The following WWP2 variants were observed in gnomAD, a reference collection of about 807,000 sequenced individuals.
WWP2 encodes WW domain containing E3 ubiquitin protein ligase 2, also known as NEDD4-like E3 ubiquitin-protein ligase WWP2.
Under a neutral mutation model 121.0 loss-of-function variants are expected in WWP2, and 57 were observed. The ratio of observed to expected loss-of-function variants is 0.47; its 90% CI spans 0.38 to 0.59. The LOEUF is 0.59. Ranked by LOEUF, WWP2 falls within the 20% of genes least tolerant of loss-of-function variation. The pLI is 0.00. For missense variants in WWP2, 962 were observed against 1,158.9 expected (o/e 0.83, Z 2.47); for synonymous variants, 449 against 441.3 (o/e 1.02, Z -0.22).
chr16:69,841,634 G>A (rs2056979809), intron 5 of WWP2, among the ~76,000 whole-genome samples: 1 of 152,162 alleles, frequency 6.6e-6, no homozygotes. Flanking sequence ...CTTTGTAAAA[G>A]CTCTCTGGGT....
At chr16:69,865,073 G>A (rs990296540) in intron 6 of WWP2, among the ~76,000 whole-genome samples, 22 of 151,258 alleles carry the variant, frequency 1.5e-4, no homozygotes, top group Admixed American at 9.9e-4. Flanking sequence ...TTTTTTAGTC[G>A]GGGTTTGGCT....
At chr16:69,909,262 G>T in intron 9 of WWP2, 5 of 991,502 alleles carry the variant, frequency 5.0e-6, no homozygotes, top group Non-Finnish European at 6.0e-6. Flanking sequence ...TTCCCTGTCT[G>T]CCAGGGACAG....
At chr16:69,848,024 G>A (rs2057118057) in intron 6 of WWP2, among the ~76,000 whole-genome samples, 1 of 152,154 alleles carries the variant, frequency 6.6e-6, no homozygotes, top group Non-Finnish European at 1.5e-5. Context: ...TAGAATCTCA[G>A]TAAAATTTCC....
intron 1 of WWP2, among the ~76,000 whole-genome samples, chr16:69,766,941 A>G (rs779619617): frequency 5.9e-5 from 9 of 151,836 alleles, no homozygotes; most frequent in Non-Finnish European, 1.0e-4. Flanking sequence ...TTTAGTAGAG[A>G]TGGGGTTTCA....
intron 1 of WWP2, among the ~76,000 whole-genome samples, chr16:69,783,508 C>A (rs2055709743): frequency 6.6e-6 from 1 of 151,840 alleles, no homozygotes; most frequent in African/African-American, 2.4e-5. Flanking sequence ...TGAGTAGCCA[C>A]TGTACTCTAG....
chr16:69,813,569 C>A lies in WWP2; in HGVS notation c.340+14274C>A, dbSNP rs139718247. ...TCTCAGCTTCCTGGGTTCAAGCGATCCCCCCACCTCAGCCTCCAGAGTAGC... is the reference window on the plus strand; with the variant it reads ...TCTCAGCTTCCTGGGTTCAAGCGATACCCCCACCTCAGCCTCCAGAGTAGC... On this transcript the variant is annotated intron_variant, in intron 4 of 23. Coordinates refer to ENST00000359154, the MANE Select transcript of WWP2 (RefSeq NM_001270454.2). Among the ~76,000 whole-genome samples the A allele has an allele frequency of 6.7e-3, 1,023 of 152,292 alleles. 32 individuals are homozygous for A. The highest frequency in any genetic ancestry group is 0.045 in the Admixed American group (693 of 15,290).
At chr16:69,783,033 T>C (rs1226315181) in intron 1 of WWP2, 1 of 140,152 alleles carries the variant, frequency 7.1e-6, no homozygotes, top group African/African-American at 2.7e-5. Context: ...TTTTTTGAGA[T>C]GGAGTCTCAC....
chr16:69,778,993 A>G (rs999774272), intron 1 of WWP2, among the ~76,000 whole-genome samples: 2 of 148,844 alleles, frequency 1.3e-5, no homozygotes, highest in African/African-American at 5.0e-5. Flanking sequence ...TCTGTTGCCC[A>G]GGCTGGAGTG....
At chr16:69,915,247 C>T (rs2058462366) in intron 9 of WWP2, among the ~76,000 whole-genome samples, 1 of 152,212 alleles carries the variant, frequency 6.6e-6, no homozygotes, top group African/African-American at 2.4e-5. Flanking sequence ...AGGAAATGTA[C>T]TTATAGTATT....
chr16:69,762,763 A>G (rs1233247066), intron 1 of WWP2, among the ~76,000 whole-genome samples: 1 of 152,158 alleles, frequency 6.6e-6, no homozygotes, highest in Non-Finnish European at 1.5e-5. Flanking sequence ...CTGAGCTGGA[A>G]GGGGGTGCCT....
intron 8 of WWP2, among the ~76,000 whole-genome samples, chr16:69,889,261 G>A (rs1293256692): frequency 6.6e-6 from 1 of 152,146 alleles, no homozygotes; most frequent in Admixed American, 6.5e-5. Context: ...GGAGTTAGAG[G>A]CAGCAGTGAG....
rs1261377538 is a variant in WWP2, at chr16:69,940,841, C to T, written c.*901C>T. The T allele has an allele frequency of 1.3e-5, 2 of 153,532 alleles. No individual in the cohort carries two copies. The highest frequency in any genetic ancestry group is 2.1e-4 in the South Asian group (1 of 4,836). The allele number at this position is 153,532 out of a possible 1,614,324, so 9.5% of individuals were successfully genotyped here. On this transcript the variant is annotated 3_prime_UTR_variant, in exon 24 of 24. Transcript: ENST00000359154. ...GCACAGCCTGGCAGGGACCTCGTCCCCAAGCCTGGCAGAATGAGAGGGGTT... is the reference window on the plus strand; with the variant it reads ...GCACAGCCTGGCAGGGACCTCGTCCTCAAGCCTGGCAGAATGAGAGGGGTT...
chr16:69,931,197 G>C lies in WWP2; in HGVS notation c.1491G>C (p.Trp497Cys). ...SPGAYDRSFR[W>C]KYHQFRFLCH... is the part of the protein sequence containing the mutation. Reference sequence around the variant, plus strand: ...GTGCTTATGACCGCAGTTTTCGGTGGAAGTATCACCAGTTCCGTTTCCTCT... The same window carrying C: ...GTGCTTATGACCGCAGTTTTCGGTGCAAGTATCACCAGTTCCGTTTCCTCT... Residue 497 changes from tryptophan (W) to cysteine (C), a missense_variant, in exon 14 of 24, where the codon TGG becomes TGC. Physicochemically the swap from Trp to Cys is radical, Grantham distance 215. Transcript: ENST00000359154. The C allele has an allele frequency of 6.2e-7, 1 of 1,614,158 alleles. No individual in the cohort carries two copies. Among genetic ancestry groups the C allele is most frequent in the South Asian group, 1.1e-5 (1 of 91,082 alleles).
chr16:69,869,978 C>T (rs1368887832), intron 6 of WWP2, among the ~76,000 whole-genome samples: 3 of 152,044 alleles, frequency 2.0e-5, no homozygotes, highest in Non-Finnish European at 4.4e-5. Context: ...AAATGACCAA[C>T]AAAAAAATAG....
chr16:69,898,207 T>C (rs1051303158), intron 8 of WWP2, among the ~76,000 whole-genome samples: 6 of 151,884 alleles, frequency 4.0e-5, no homozygotes, highest in African/African-American at 1.4e-4. Flanking sequence ...TTTGTTTTTT[T>C]AGTAGAGACA....
chr16:69,894,745 A>G (rs181001248), intron 8 of WWP2, among the ~76,000 whole-genome samples: 79 of 152,250 alleles, frequency 5.2e-4, no homozygotes, highest in African/African-American at 1.8e-3. Flanking sequence ...CGCTCAGCCC[A>G]CTTTGGGGAC....
rs1019866133 is a variant in WWP2 at position 69,909,093 on chromosome 16, T to C, written c.1004+243T>C. 2.3e-6 allele frequency: 3 copies of C among 1,284,958 alleles called. No homozygotes were observed. The East Asian group carries it at 1.0e-4, about 43-fold the overall frequency. 79.6% of individuals were successfully genotyped at this position (1,284,958 alleles called of 1,614,324 possible). A position where few individuals can be genotyped will look rare whatever the true frequency, so the allele number is the denominator to read the frequency against. On this transcript the variant is annotated intron_variant, in intron 9 of 23. Coordinates refer to ENST00000359154, the MANE Select transcript of WWP2 (RefSeq NM_001270454.2). ...GGGAGGCCAAGATTTAGAGTGTTGA[T>C]GCATTCCGCCGTACCCTATGCCCAG...
At chr16:69,936,795 T>C in intron 19 of WWP2, 1 of 472,924 alleles carries the variant, frequency 2.1e-6, no homozygotes, top group East Asian at 3.9e-5. Flanking sequence ...CCGTCTCACG[T>C]GTGCCCGTTC....
At chr16:69,903,301 C>G (rs1366888943) in intron 8 of WWP2, among the ~76,000 whole-genome samples, 8 of 152,178 alleles carry the variant, frequency 5.3e-5, no homozygotes, top group African/African-American at 1.4e-4. Flanking sequence ...GGGAATACCA[C>G]TGTGTCAATT....
Sources: gnomAD v4.1 joint callset for allele counts (sites outside exome capture counted in the v4.1 genomes callset) on GRCh38, gnomAD v4.1.1 for gene constraint, MANE v1.5 for transcripts, NCBI Gene and HGNC (gene_info 2026-07-23, HGNC 2026-07-21) for gene names.